TUSC3: variants seen among roughly 807,000 people sequenced by gnomAD.
TUSC3 encodes dolichyl-diphosphooligosaccharide--protein glycosyltransferase subunit TUSC3.
In TUSC3, 45 loss-of-function variants were observed where a neutral mutation model predicts 44.8. The observed-to-expected ratio is 1.00, with a 90% CI of 0.79 to 1.29. The LOEUF (loss-of-function observed/expected upper bound fraction) is 1.29. Among genes scored for constraint, TUSC3 ranks in the 50% most tolerant of loss-of-function variants. TUSC3 has a pLI of 0.00. For missense variants in TUSC3, 519 were observed against 437.9 expected, an observed-to-expected ratio of 1.19 and a Z score of -1.65; for synonymous variants, 212 against 152.9, an observed-to-expected ratio of 1.39 and a Z score of -2.85.
intron 1 of TUSC3, among the ~76,000 whole-genome samples, chr8:15,467,244 A>G (rs1800426320): frequency 6.7e-6 from 1 of 149,002 alleles, no homozygotes; most frequent in African/African-American, 2.5e-5. Flanking sequence ...ATCTACTGTC[A>G]TTCAGTGGTA....
chr8:15,602,015 A>G (rs1035432245), intron 1 of TUSC3, among the ~76,000 whole-genome samples: 1 of 151,544 alleles, frequency 6.6e-6, no homozygotes, highest in Non-Finnish European at 1.5e-5. Flanking sequence ...TAAAAATACG[A>G]TGTCTACCTG....
chr8:15,477,062 C>T (rs776090863), intron 1 of TUSC3, among the ~76,000 whole-genome samples: 2 of 152,146 alleles, frequency 1.3e-5, no homozygotes, highest in Non-Finnish European at 2.9e-5. Context: ...ATCTGACACT[C>T]ATCAAAAGAA....
chr8:15,473,913 A>G (rs552459096), intron 1 of TUSC3, among the ~76,000 whole-genome samples: 1 of 152,262 alleles, frequency 6.6e-6, no homozygotes, highest in African/African-American at 2.4e-5. Flanking sequence ...TGTCAAATTT[A>G]CCAGGGCGAG....
chr8:15,719,258 T>C (rs1810196787), intron 6 of TUSC3, among the ~76,000 whole-genome samples: 1 of 152,032 alleles, frequency 6.6e-6, no homozygotes, highest in African/African-American at 2.4e-5. Flanking sequence ...TCTTAAGGCC[T>C]TCATGCTGGC....
chr8:15,569,381 A>G (rs1258995563), intron 1 of TUSC3, among the ~76,000 whole-genome samples: 1 of 152,054 alleles, frequency 6.6e-6, no homozygotes, highest in Non-Finnish European at 1.5e-5. Flanking sequence ...GGTGATAATC[A>G]GAGAGTTTCC....
chr8:15,532,443 G>C (rs572846599), intron 2 of TUSC3, among the ~76,000 whole-genome samples: 1 of 152,246 alleles, frequency 6.6e-6, no homozygotes, highest in South Asian at 2.1e-4. Context: ...GTTAAGATAA[G>C]CCCTGGAAAG....
the TUSC3 span, among the ~76,000 whole-genome samples, chr8:15,799,501 T>C: frequency 6.6e-6 from 1 of 152,154 alleles, no homozygotes; most frequent in Non-Finnish European, 1.5e-5. Flanking sequence ...GACATACTAT[T>C]TGTTAGATGT....
At chr8:15,586,360 A>G (rs539403349) in intron 1 of TUSC3, among the ~76,000 whole-genome samples, 42 of 152,266 alleles carry the variant, frequency 2.8e-4, no homozygotes, top group African/African-American at 9.6e-4. Context: ...AAGTAAATGC[A>G]TATTCAAAAG....
At chr8:15,598,587 G>GTCTGTGTCTTACCTAT (rs11275085) in intron 1 of TUSC3, among the ~76,000 whole-genome samples, 1 of 151,200 alleles carries the variant, frequency 6.6e-6, no homozygotes, top group African/African-American at 2.4e-5. Flanking sequence ...CCTAAAACTC[G>GTCTGTGTCTTACCTAT]TCATACTTCC....
chr8:15,846,734 G>A, the TUSC3 span, among the ~76,000 whole-genome samples: 1 of 152,112 alleles, frequency 6.6e-6, no homozygotes, highest in Admixed American at 6.6e-5. Flanking sequence ...TGAAGGGCTA[G>A]GGGAGGAATA....
intron 7 of TUSC3, among the ~76,000 whole-genome samples, chr8:15,735,953 C>T (rs1395670802): frequency 1.3e-5 from 2 of 151,106 alleles, no homozygotes; most frequent in Non-Finnish European, 2.9e-5. Flanking sequence ...TGGTCTCGAT[C>T]TCCTGACCTC....
chr8:15,797,760 G>C, the TUSC3 span, among the ~76,000 whole-genome samples: 1 of 152,142 alleles, frequency 6.6e-6, no homozygotes, highest in African/African-American at 2.4e-5. Context: ...GTCAAAATGG[G>C]TTTCAGCAGT....
the TUSC3 span, among the ~76,000 whole-genome samples, chr8:15,828,186 G>C: frequency 5.3e-5 from 8 of 152,008 alleles, no homozygotes; most frequent in Non-Finnish European, 1.0e-4. Flanking sequence ...GTAGATACTG[G>C]ATTTCTCCAT....
At chr8:15,516,020 G>A (rs939661724) in intron 2 of TUSC3, among the ~76,000 whole-genome samples, 1 of 152,102 alleles carries the variant, frequency 6.6e-6, no homozygotes, top group Non-Finnish European at 1.5e-5. Flanking sequence ...CATTTTCTCA[G>A]AATTTTCTAT....
chr8:15,560,737 G>T (rs376501168), intron 1 of TUSC3, among the ~76,000 whole-genome samples: 3 of 117,272 alleles, frequency 2.6e-5, no homozygotes, highest in South Asian at 3.2e-4. Context: ...TTCCCTTCTC[G>T]CTTCATTTCA....
chr8:15,644,102 AT>A (rs1244621812), intron 2 of TUSC3, among the ~76,000 whole-genome samples: 5 of 152,248 alleles, frequency 3.3e-5, no homozygotes, highest in Admixed American at 3.3e-4. Context: ...TGTAGATGAT[AT>A]AATTCTTTTT....
At chr8:15,780,543 G>T in the TUSC3 span, among the ~76,000 whole-genome samples, 1 of 152,198 alleles carries the variant, frequency 6.6e-6, no homozygotes, top group Non-Finnish European at 1.5e-5. Flanking sequence ...ATTCCCAGTT[G>T]TTCTGGAAGG....
At chr8:15,839,708 A>AT in the TUSC3 span, among the ~76,000 whole-genome samples, 2 of 152,234 alleles carry the variant, frequency 1.3e-5, no homozygotes, top group Admixed American at 1.3e-4. Context: ...AATGGTGATC[A>AT]TTAAAAAGTC....
intron 2 of TUSC3, among the ~76,000 whole-genome samples, chr8:15,639,891 A>G (rs1036182140): frequency 5.3e-5 from 8 of 151,066 alleles, no homozygotes; most frequent in African/African-American, 1.7e-4. Context: ...CTTTGTCACC[A>G]TAATACAGTG....
Sources: allele counts gnomAD v4.1 joint callset (sites outside exome capture counted in the v4.1 genomes callset), GRCh38; gene constraint gnomAD v4.1.1; transcripts MANE v1.5; gene names NCBI Gene and HGNC (gene_info 2026-07-23, HGNC 2026-07-21).